Variants in ERC2 observed in about 807,000 individuals in gnomAD.
ERC2 encodes the protein ERC protein 2.
Under a neutral mutation model 114.8 loss-of-function variants are expected in ERC2, and 42 were observed. The ratio of observed to expected loss-of-function variants is 0.37; its 90% confidence interval spans 0.29 to 0.47. The LOEUF (loss-of-function observed/expected upper bound fraction) is 0.47. Among genes scored for constraint, ERC2 ranks in the 20% least tolerant of loss-of-function variants. ERC2 has a pLI of 0.99. For synonymous variants in ERC2, 454 were observed against 425.5 expected, an observed-to-expected ratio of 1.07 and a Z score of -0.82; for missense variants, 939 against 1,150.7, an observed-to-expected ratio of 0.82 and a Z score of 2.66.
intron 3 of ERC2, among the ~76,000 whole-genome samples, chr3:56,294,059 T>C (rs916402894): frequency 1.3e-5 from 2 of 152,246 alleles, no homozygotes; most frequent in Non-Finnish European, 2.9e-5. Flanking sequence ...AGTGATCCTC[T>C]ATCAACTGCA....
intron 6 of ERC2, among the ~76,000 whole-genome samples, chr3:56,132,620 G>C (rs1319986489): frequency 6.6e-6 from 1 of 152,158 alleles, no homozygotes; most frequent in Non-Finnish European, 1.5e-5. Context: ...CTGGGCGACA[G>C]AGCGAGACTC....
At chr3:55,870,351 A>G (rs1454390712) in intron 14 of ERC2, among the ~76,000 whole-genome samples, 1 of 152,238 alleles carries the variant, frequency 6.6e-6, no homozygotes, top group Admixed American at 6.5e-5. Flanking sequence ...CTGGGATTAC[A>G]GGCATGAGCC....
At chr3:56,051,127 T>G (rs1046817477) in intron 7 of ERC2, among the ~76,000 whole-genome samples, 1 of 152,146 alleles carries the variant, frequency 6.6e-6, no homozygotes, top group Non-Finnish European at 1.5e-5. Flanking sequence ...AATGAAGCAC[T>G]TCCCTGGGCT....
intron 13 of ERC2, among the ~76,000 whole-genome samples, chr3:55,894,286 T>C (rs2063742897): frequency 6.6e-6 from 1 of 152,220 alleles, no homozygotes; most frequent in African/African-American, 2.4e-5. Flanking sequence ...TCTAGGTTTC[T>C]CAACTTAAAC....
At chr3:55,647,372 G>C (rs1328608344) in intron 17 of ERC2, 1 of 152,200 alleles carries the variant, frequency 6.6e-6, no homozygotes, top group Non-Finnish European at 1.5e-5. Flanking sequence ...AGGAAAGGAA[G>C]ATAAAATGAG....
chr3:56,273,262 C>CTTTTT (rs35595771), intron 3 of ERC2, among the ~76,000 whole-genome samples: 2 of 93,744 alleles, frequency 2.1e-5, no homozygotes, highest in Non-Finnish European at 2.2e-5. Flanking sequence ...TTTTTTCTTT[C>CTTTTT]TTTTTTTTTT....
intron 2 of ERC2, among the ~76,000 whole-genome samples, chr3:56,419,388 A>G (rs1297960298): frequency 1.3e-5 from 2 of 152,234 alleles, no homozygotes; most frequent in East Asian, 1.9e-4. Flanking sequence ...GAAAATATTT[A>G]AAGATGTGCT....
intron 2 of ERC2, among the ~76,000 whole-genome samples, chr3:56,327,295 T>C (rs1482764054): frequency 6.6e-6 from 1 of 152,172 alleles, no homozygotes; most frequent in South Asian, 2.1e-4. Context: ...GGAAGGAGAA[T>C]TAATGCAGAA....
At chr3:56,435,269 C>A (rs2061966231) in intron 1 of ERC2, 122 bp from the exon 2 acceptor site, 2 of 314,048 alleles carry the variant, frequency 6.4e-6, no homozygotes, top group African/African-American at 2.2e-5. Context: ...TAATAATAGA[C>A]AGATAGAAAG....
At chr3:55,786,305 A>G (rs1007008233) in intron 14 of ERC2, among the ~76,000 whole-genome samples, 2 of 152,214 alleles carry the variant, frequency 1.3e-5, no homozygotes, top group East Asian at 1.9e-4. Flanking sequence ...TACCCACTGA[A>G]TCTAATGCCA....
At chr3:55,528,459 A>C (rs1279666528) in intron 17 of ERC2, among the ~76,000 whole-genome samples, 1 of 152,218 alleles carries the variant, frequency 6.6e-6, no homozygotes, top group Non-Finnish European at 1.5e-5. Flanking sequence ...CGGCATCATC[A>C]TGAGCTGCCA....
intron 9 of ERC2, among the ~76,000 whole-genome samples, chr3:56,007,936 G>T (rs563988934): frequency 6.6e-6 from 1 of 152,096 alleles, no homozygotes; most frequent in African/African-American, 2.4e-5. Context: ...CAGACATAGG[G>T]TTACCTAAAT....
intron 17 of ERC2, among the ~76,000 whole-genome samples, chr3:55,608,486 G>T (rs1479571352): frequency 6.6e-6 from 1 of 152,162 alleles, no homozygotes; most frequent in Non-Finnish European, 1.5e-5. Context: ...TCACAAAGAG[G>T]TCTTTAAGGA....
intron 16 of ERC2, among the ~76,000 whole-genome samples, chr3:55,691,573 A>ATATAT (rs1361667113): frequency 5.0e-5 from 2 of 39,748 alleles, no homozygotes; most frequent in East Asian, 9.1e-4. Context: ...AAAAAAAAAA[A>ATATAT]ATATATATAT....
At chr3:55,815,560 C>G (rs1031589287) in intron 14 of ERC2, among the ~76,000 whole-genome samples, 3 of 152,184 alleles carry the variant, frequency 2.0e-5, no homozygotes, top group African/African-American at 7.2e-5. Flanking sequence ...AGCCTGAGTC[C>G]TGGATAAGGA....
chr3:56,000,779 A>G (rs2071984906), intron 10 of ERC2, among the ~76,000 whole-genome samples: 1 of 152,010 alleles, frequency 6.6e-6, no homozygotes, highest in East Asian at 1.9e-4. Context: ...GGAGGCAAGC[A>G]CGGTGGCACA....
chr3:56,081,682 G>GT (rs202049678), intron 6 of ERC2, among the ~76,000 whole-genome samples: 56 of 148,968 alleles, frequency 3.8e-4, no homozygotes, highest in Non-Finnish European at 5.5e-4. Context: ...GAAAATATAA[G>GT]TTTTTTTTTT....
At chr3:55,815,654 G>A (rs970188479) in intron 14 of ERC2, among the ~76,000 whole-genome samples, 7 of 152,168 alleles carry the variant, frequency 4.6e-5, no homozygotes, top group African/African-American at 1.7e-4. Flanking sequence ...TACAGAAACT[G>A]AGATAATAAA....
rs377125700 is a variant in ERC2 at position 55,583,544 on chromosome 3, T to TCTTCCTTC, written c.*40-72276_*40-72269dup. Among the ~76,000 whole-genome samples the TCTTCCTTC allele has an allele frequency of 3.2e-3, 124 of 39,036 alleles. 7 individuals carry two copies. The highest frequency in any genetic ancestry group is 0.019 in the Middle Eastern group (1 of 54). 25.6% of individuals were successfully genotyped at this position (39,036 alleles called of 152,430 possible). Reference sequence around the variant, plus strand: ...CCCTCCCTTCCTTCCTTCCTTCCTTTCTTCCTTCCTTCCTTCCTTCCTTCC... The same window carrying TCTTCCTTC: ...CCCTCCCTTCCTTCCTTCCTTCCTTTCTTCCTTCCTTCCTTCCTTCCTTCCTTCCTTCC... On this transcript the variant is annotated intron_variant, in intron 17 of 17. Transcript: ENST00000288221.
Sources: allele counts gnomAD v4.1 joint callset (sites outside exome capture counted in the v4.1 genomes callset), GRCh38; gene constraint gnomAD v4.1.1; transcripts MANE v1.5; gene names NCBI Gene and HGNC (gene_info 2026-07-23, HGNC 2026-07-21).